VWA5B2: variants seen among roughly 807,000 people sequenced by gnomAD.
The protein encoded by VWA5B2 is von Willebrand factor A domain containing 5B2.
A neutral mutation model predicts 118.5 loss-of-function variants in VWA5B2; 93 were observed. The ratio of observed to expected loss-of-function variants is 0.79; its 90% confidence interval spans 0.66 to 0.93. The LOEUF is 0.93. Ranked by LOEUF, VWA5B2 falls within the 40% of genes least tolerant of loss-of-function variation. VWA5B2 has a pLI of 0.00. For synonymous variants in VWA5B2, 708 were observed against 716.3 expected (o/e 0.99, Z 0.19); for missense variants, 1,546 against 1,672.8 (o/e 0.92, Z 1.32).
Position 184,230,794 on chromosome 3 carries a change from G to C in VWA5B2, c.187G>C (p.Glu63Gln). The change falls in exon 3 of 20, where the codon GAG (glutamate) becomes CAG (glutamine). Residue 63 changes from glutamate to glutamine, a missense_variant. Transcript: ENST00000691901. ...LAEAEVVSGF[E>Q]AEAAGRRVSF... is the part of the protein sequence containing the mutation. ...CGAGGCCGAGGTGGTGTCCGGCTTC[G>C]AGGCCGAGGCCGCCGGACGGCGCGT... 3.2e-6 allele frequency: 4 copies of C among 1,245,008 alleles called. No individual in the cohort carries two copies. Among genetic ancestry groups the C allele is most frequent in the Non-Finnish European group, 4.0e-6 (4 of 995,362 alleles). 77.1% of individuals were successfully genotyped at this position (1,245,008 alleles called of 1,614,324 possible).
In VWA5B2 at chr3:184,233,852, A is replaced by G. The variant is rs1391525431; in HGVS notation, c.688+119A>G. On this transcript the variant is annotated intron_variant, in intron 5 of 19. Coordinates refer to ENST00000691901, the MANE Select transcript of VWA5B2 (RefSeq NM_001390846.1). This position sits in a 1 kb window ranked among gnomAD's most constrained non-coding sequence, Gnocchi z 5.2. ...CACAGGACAAAAAGACAGGGACCCC[A>G]GCCTCCGGAACATCTGGGTTAGTGG... 2.9e-6 allele frequency: 4 copies of G among 1,369,378 alleles called. No homozygotes were observed. The highest frequency in any genetic ancestry group is 3.9e-6 in the Non-Finnish European group (4 of 1,023,824). 84.8% of individuals were successfully genotyped at this position (1,369,378 alleles called of 1,614,324 possible). A position where few individuals can be genotyped will look rare whatever the true frequency, so the allele number is the denominator to read the frequency against.
In VWA5B2 at chr3:184,239,283, T is replaced by C; in HGVS notation, c.2203-111T>C. 1 of 1,250,012 alleles carries C rather than the reference T, an allele frequency of 8.0e-7. No homozygotes were observed. 77.4% of individuals were successfully genotyped at this position (1,250,012 alleles called of 1,614,324 possible). A position where few individuals can be genotyped will look rare whatever the true frequency, so the allele number is the denominator to read the frequency against. Reference sequence around the variant, plus strand: ...AACTTGGCCTTCCTCCTCAAGCTGGTGAGCGGCCACCCAGGGTTTCAGAAA... The same window carrying C: ...AACTTGGCCTTCCTCCTCAAGCTGGCGAGCGGCCACCCAGGGTTTCAGAAA... On this transcript the variant is annotated intron_variant, in intron 14 of 19. Coordinates refer to ENST00000691901, the MANE Select transcript of VWA5B2 (RefSeq NM_001390846.1). This position sits in a 1 kb window ranked among gnomAD's most constrained non-coding sequence, Gnocchi z 5.1.
chr3:184,234,511 G>A (rs1232452113), intron 6 of VWA5B2, 114 bp downstream of exon 6: 5 of 1,525,866 alleles, frequency 3.3e-6, no homozygotes, highest in Non-Finnish European at 3.5e-6. Context: ...AGTCATCTGT[G>A]AGGGCAGAGC....
chr3:184,230,376 T>C lies in VWA5B2; in HGVS notation c.-149-4T>C. 1.1e-6 allele frequency: 1 copy of C among 945,732 alleles called. No homozygotes were observed. The highest frequency in any genetic ancestry group is 1.4e-6 in the Non-Finnish European group (1 of 706,432). The allele number at this position is 945,732 out of a possible 1,614,324, so 58.6% of individuals were successfully genotyped here. ...TTATCTCCCCCGCCACCTGTCGCCC[T>C]CAGGAGCTCCCGCTCGGCCTCGCGC... On this transcript the variant is annotated splice_polypyrimidine_tract_variant and splice_region_variant and intron_variant, in intron 1 of 19. Transcript: ENST00000691901.
chr3:184,238,282 TC>T lies in VWA5B2; in HGVS notation c.1720-18del, dbSNP rs1718204727. ...AGCACATAACTGCAGTTAATTTTTT[TC>T]CCAATAATATTCTCTCTAGGGCCAA... On this transcript the variant is annotated intron_variant, in intron 12 of 19. Transcript: ENST00000691901. This position sits in a 1 kb window ranked among gnomAD's most constrained non-coding sequence, Gnocchi z 5.0. The T allele has an allele frequency of 6.8e-7, 1 of 1,464,258 alleles. No individual in the cohort carries two copies. The highest frequency in any genetic ancestry group is 9.1e-7 in the Non-Finnish European group (1 of 1,102,812). The allele number at this position is 1,464,258 out of a possible 1,614,324, so 90.7% of individuals were successfully genotyped here. A position where few individuals can be genotyped will look rare whatever the true frequency, so the allele number is the denominator to read the frequency against.
At chr3:184,234,531 A>G (rs1260292851) in intron 6 of VWA5B2, 100 bp from the exon 7 acceptor site, 15 of 1,521,780 alleles carry the variant, frequency 9.9e-6, no homozygotes, top group Non-Finnish European at 1.3e-5. Flanking sequence ...CCTGTGGTGC[A>G]GGAAGGCTGG....
Position 184,238,509 on chromosome 3 carries a change from G to C in VWA5B2, c.1891+35G>C. On this transcript the variant is annotated intron_variant, in intron 13 of 19. Transcript: ENST00000691901. This position sits in a 1 kb window ranked among gnomAD's most constrained non-coding sequence, Gnocchi z 5.0. The stretch of plus-strand genomic sequence containing the variant: ...CAGGTGTATGTGTGTGGCTGTATTG[G>C]AGTGGGCGCTGGGAGGGGTCAGGGC... 6.5e-7 allele frequency: 1 copy of C among 1,536,104 alleles called. No individual in the cohort carries two copies. Among genetic ancestry groups the C allele is most frequent in the African/African-American group, 1.4e-5 (1 of 72,948 alleles).
chr3:184,235,113 C>G, intron 7 of VWA5B2, 40 bp from the exon 8 acceptor site: 1 of 1,542,116 alleles, frequency 6.5e-7, no homozygotes, highest in Non-Finnish European at 8.8e-7. Context: ...CAAAGTAGCA[C>G]TAAGCCTTGC....
chr3:184,233,042 C>T lies in VWA5B2; in HGVS notation c.311-136C>T. On this transcript the variant is annotated intron_variant, in intron 3 of 19. Coordinates refer to ENST00000691901, the MANE Select transcript of VWA5B2 (RefSeq NM_001390846.1). The surrounding 1 kb of genome is among the most constrained non-coding windows in gnomAD (Gnocchi z 5.2). ...CATCTCATGCCTCCATCCTGCGTCA[C>T]CAATGCATTAGCCTAGTGCCAACAC... 1.4e-6 allele frequency: 1 copy of T among 706,494 alleles called. No homozygotes were observed. Among genetic ancestry groups the T allele is most frequent in the Non-Finnish European group, 2.4e-6 (1 of 417,534 alleles). 43.8% of individuals were successfully genotyped at this position (706,494 alleles called of 1,614,324 possible).
rs1168011338 is a variant in VWA5B2 at position 184,233,989 on chromosome 3, A to C, written c.688+256A>C. The stretch of plus-strand genomic sequence containing the variant: ...TGGGAAGAGAGATACTTACAATGGG[A>C]CTAGTACCTGTGATGAAGTAGGTTT... On this transcript the variant is annotated intron_variant, in intron 5 of 19. Transcript: ENST00000691901. The surrounding 1 kb of genome is among the most constrained non-coding windows in gnomAD (Gnocchi z 5.2). Among the ~76,000 whole-genome samples the C allele has an allele frequency of 6.6e-6, 1 of 152,174 alleles. No homozygotes were observed. The highest frequency in any genetic ancestry group is 2.4e-5 in the African/African-American group (1 of 41,448).
In VWA5B2 at chr3:184,239,734, A is replaced by C; in HGVS notation, c.2438A>C (p.Glu813Ala). 6.7e-7 allele frequency: 1 copy of C among 1,500,390 alleles called. No individual in the cohort carries two copies. The highest frequency in any genetic ancestry group is 8.9e-7 in the Non-Finnish European group (1 of 1,118,578). The allele number at this position is 1,500,390 out of a possible 1,614,324, so 92.9% of individuals were successfully genotyped here. A position where few individuals can be genotyped will look rare whatever the true frequency, so the allele number is the denominator to read the frequency against. The change falls in exon 16 of 20, where the codon GAA (glutamate) becomes GCA (alanine). Residue 813 changes from glutamate (E) to alanine (A), a missense_variant. This residue lies in a region of VWA5B2 where 763 missense variants were observed against 766.6 expected (regional missense o/e 1.00). Coordinates refer to ENST00000691901, the MANE Select transcript of VWA5B2 (RefSeq NM_001390846.1). The surrounding 1 kb of genome is among the most constrained non-coding windows in gnomAD (Gnocchi z 5.1). ...CCTATGGACTGGGACATGCTGATGG[A>C]ACCACCCTTCTTATTCACGGCTGTG... ...PAPMDWDMLM[E>A]PPFLFTAVPP...
Position 184,230,626 on chromosome 3 carries a change from C to T in VWA5B2, c.98C>T (p.Ala33Val). Reference sequence around the variant, plus strand: ...AACGGCCCCTGCCTCAGCGTGCGGGCCCGGCTCACCTACCGCAACCCGCAG... The same window carrying T: ...AACGGCCCCTGCCTCAGCGTGCGGGTCCGGCTCACCTACCGCAACCCGCAG... Reference protein sequence around the residue: ...CANGPCLSVRARLTYRNPQPQ... With the variant: ...CANGPCLSVRVRLTYRNPQPQ... Residue 33 changes from alanine (A) to valine (V), a missense_variant, in exon 2 of 20, where the codon GCC (alanine) becomes GTC (valine). Physicochemically the swap from Ala to Val is moderately conservative, Grantham distance 64. This residue lies in a region of VWA5B2 where 775 missense variants were observed against 882.3 expected (regional missense o/e 0.88). Transcript: ENST00000691901. The T allele has an allele frequency of 1.4e-6, 2 of 1,403,914 alleles. No individual in the cohort carries two copies. The highest frequency in any genetic ancestry group is 9.2e-7 in the Non-Finnish European group (1 of 1,083,626). The allele number at this position is 1,403,914 out of a possible 1,614,324, so 87.0% of individuals were successfully genotyped here.
chr3:184,234,567 A>G (rs1717759656), intron 6 of VWA5B2, 64 bp from the exon 7 acceptor site: 1 of 1,536,634 alleles, frequency 6.5e-7, no homozygotes, highest in Admixed American at 2.0e-5. Context: ...CTGGACAGTG[A>G]AACTGGGCAC....
chr3:184,234,538 C>T (rs1717754502), intron 6 of VWA5B2, 93 bp from the exon 7 acceptor site: 1 of 1,521,258 alleles, frequency 6.6e-7, no homozygotes, highest in Non-Finnish European at 8.9e-7. Flanking sequence ...TGCAGGAAGG[C>T]TGGACCTGCA....
chr3:184,231,887 G>A (rs1168861715), intron 3 of VWA5B2, among the ~76,000 whole-genome samples: 1 of 152,232 alleles, frequency 6.6e-6, no homozygotes, highest in African/African-American at 2.4e-5. Context: ...AGGCTAGAGT[G>A]AGCTCTGGGC....
rs888747561 is a variant in VWA5B2 at position 184,240,874 on chromosome 3, G to C, written c.2824G>C (p.Val942Leu). The change falls in exon 17 of 20, where the codon GTG (valine) becomes CTG (leucine). Residue 942 changes from valine (V) to leucine (L), a missense_variant. Val to Leu is a conservative substitution (Grantham distance 32). Transcript: ENST00000691901. ...APSCFTCPVA[V>L]DATTREVLPG... The stretch of plus-strand genomic sequence containing the variant: ...CTCCTGCTTCACTTGCCCTGTAGCT[G>C]TGGATGCTACTACTAGGGAGGTCCT... 6.4e-7 allele frequency: 1 copy of C among 1,551,582 alleles called. No individual in the cohort carries two copies. Among genetic ancestry groups the C allele is most frequent in the African/African-American group, 1.4e-5 (1 of 73,040 alleles).
intron 8 of VWA5B2, 90 bp from the exon 9 acceptor site, chr3:184,236,062 C>A: frequency 2.5e-6 from 3 of 1,216,060 alleles, no homozygotes; most frequent in Non-Finnish European, 2.3e-6. Context: ...ACTTGAATCA[C>A]AGCCTGGATA....
chr3:184,233,304 G>A lies in VWA5B2; in HGVS notation c.437G>A (p.Gly146Glu), dbSNP rs867581438. The change falls in exon 4 of 20, where the codon GGG (glycine) becomes GAG (glutamate). Residue 146 changes from glycine (G) to glutamate (E), a missense_variant. Gly to Glu is a moderately conservative substitution (Grantham distance 98, BLOSUM62 -2). Coordinates refer to ENST00000691901, the MANE Select transcript of VWA5B2 (RefSeq NM_001390846.1). The surrounding 1 kb of genome is among the most constrained non-coding windows in gnomAD (Gnocchi z 5.2). ...CGGGAGCTGCCCTCAAGGCCTGACG[G>A]GGTGCTGCATGTGGCCCTGCCCACT... ...SSRELPSRPD[G>E]VLHVALPTVL... The A allele has an allele frequency of 7.2e-6, 11 of 1,537,950 alleles. No homozygotes were observed. Among genetic ancestry groups the A allele is most frequent in the East Asian group, 2.4e-5 (1 of 40,856 alleles).
chr3:184,230,696 C>CG, intron 2 of VWA5B2, 29 bp downstream of exon 2: 1 of 1,227,444 alleles, frequency 8.1e-7, no homozygotes, highest in Non-Finnish European at 1.0e-6. Flanking sequence ...GCGGGCGCGG[C>CG]GGGGGGTGCG....
Sources: allele counts gnomAD v4.1 joint callset (sites outside exome capture counted in the v4.1 genomes callset), GRCh38; gene constraint gnomAD v4.1.1; regional missense constraint gnomAD v4.1.1; non-coding constraint Gnocchi (gnomAD v3.1); transcripts MANE v1.5; gene names NCBI Gene and HGNC (gene_info 2026-07-23, HGNC 2026-07-21).